ERC2: variants seen among roughly 807,000 people sequenced by gnomAD.
ERC2 encodes the protein ERC protein 2.
In ERC2, 42 loss-of-function variants were observed where a neutral mutation model predicts 114.8. The ratio of observed to expected loss-of-function variants is 0.37; its 90% CI spans 0.29 to 0.47. The LOEUF is 0.47. ERC2 is among the 20% of genes least tolerant of loss of function. The pLI, the probability that ERC2 is intolerant of heterozygous loss-of-function variation, is 0.99. For synonymous variants in ERC2, 454 were observed against 425.5 expected (o/e 1.07, Z -0.82); for missense variants, 939 against 1,150.7 (o/e 0.82, Z 2.66).
intron 12 of ERC2, among the ~76,000 whole-genome samples, chr3:55,952,180 C>CACACTATA (rs1553749407): frequency 3.9e-5 from 1 of 25,572 alleles, no homozygotes; most frequent in Non-Finnish European, 8.4e-5. Flanking sequence ...CACACACACA[C>CACACTATA]TCTCTCTCTC....
chr3:56,239,268 G>A (rs1156557655), intron 3 of ERC2, among the ~76,000 whole-genome samples: 1 of 152,200 alleles, frequency 6.6e-6, no homozygotes, highest in East Asian at 1.9e-4. Context: ...TGTAATCCTA[G>A]CACTTTCGGA....
At chr3:55,854,452 G>GA (rs1269509192) in intron 14 of ERC2, among the ~76,000 whole-genome samples, 1 of 152,192 alleles carries the variant, frequency 6.6e-6, no homozygotes, top group African/African-American at 2.4e-5. Context: ...CAAAAGCTAA[G>GA]AAAATCTTCC....
chr3:56,318,455 A>G (rs987883407), intron 2 of ERC2, among the ~76,000 whole-genome samples: 8 of 152,152 alleles, frequency 5.3e-5, no homozygotes, highest in African/African-American at 1.9e-4. Flanking sequence ...GAGATTGCAG[A>G]CATGAGCCAC....
At chr3:55,720,206 T>C (rs11707340) in intron 15 of ERC2, among the ~76,000 whole-genome samples, 100 of 7,438 alleles carry the variant, frequency 0.013, 45 homozygotes, top group East Asian at 0.028. Flanking sequence ...CTTCTTCTTC[T>C]TCTTCTTCTT....
chr3:56,414,271 T>A (rs1041967299), intron 2 of ERC2, among the ~76,000 whole-genome samples: 4 of 152,214 alleles, frequency 2.6e-5, no homozygotes, highest in African/African-American at 9.6e-5. Flanking sequence ...TTCATCATTA[T>A]CCATAATCAT....
chr3:55,906,276 C>CA (rs1462616247), intron 13 of ERC2, among the ~76,000 whole-genome samples: 6 of 151,522 alleles, frequency 4.0e-5, no homozygotes, highest in African/African-American at 1.5e-4. Context: ...ACTAAAAATA[C>CA]AAAAAATTAG....
intron 14 of ERC2, among the ~76,000 whole-genome samples, chr3:55,782,303 T>G (rs939732674): frequency 6.6e-6 from 1 of 152,152 alleles, no homozygotes; most frequent in African/African-American, 2.4e-5. Flanking sequence ...TCCCATTAGC[T>G]TTTCTGCTTA....
intron 17 of ERC2, among the ~76,000 whole-genome samples, chr3:55,528,524 C>T (rs1262488285): frequency 6.6e-6 from 1 of 151,954 alleles, no homozygotes; most frequent in Non-Finnish European, 1.5e-5. Context: ...TGCATAGATA[C>T]TTTATTTGAC....
intron 3 of ERC2, among the ~76,000 whole-genome samples, chr3:56,214,647 A>C (rs1047437003): frequency 6.6e-6 from 1 of 152,118 alleles, no homozygotes; most frequent in South Asian, 2.1e-4. Context: ...AGAGAACGCC[A>C]CAAAGATACT....
intron 2 of ERC2, among the ~76,000 whole-genome samples, chr3:56,317,492 G>C (rs1304967732): frequency 6.6e-6 from 1 of 152,136 alleles, no homozygotes; most frequent in Non-Finnish European, 1.5e-5. Context: ...GTTGCAAACT[G>C]GGCTTGTGAA....
At chr3:55,864,138 T>TATAC (rs1559782811) in intron 14 of ERC2, among the ~76,000 whole-genome samples, 1 of 124,108 alleles carries the variant, frequency 8.1e-6, no homozygotes, top group African/African-American at 3.2e-5. Context: ...CATATATATA[T>TATAC]ACATATATAT....
At chr3:55,764,255 A>C (rs2067631237) in intron 14 of ERC2, among the ~76,000 whole-genome samples, 2 of 152,250 alleles carry the variant, frequency 1.3e-5, no homozygotes, top group Admixed American at 1.3e-4. Context: ...AACAGATGAA[A>C]AGCACATTTG....
At chr3:55,549,993 A>G (rs1172722097) in intron 17 of ERC2, among the ~76,000 whole-genome samples, 5 of 150,322 alleles carry the variant, frequency 3.3e-5, no homozygotes, top group Non-Finnish European at 5.9e-5. Flanking sequence ...TACTATGTTA[A>G]TAGGACACTT....
chr3:56,423,554 A>G (rs2061461463), intron 2 of ERC2, among the ~76,000 whole-genome samples: 1 of 152,248 alleles, frequency 6.6e-6, no homozygotes, highest in Non-Finnish European at 1.5e-5. Flanking sequence ...GACAAACGAG[A>G]CAGCTCACGC....
chr3:56,019,121 G>T, intron 7 of ERC2, 90 bp from the exon 8 acceptor site: 1 of 990,262 alleles, frequency 1.0e-6, no homozygotes, highest in South Asian at 1.7e-5. Flanking sequence ...AAAAAAGAAA[G>T]AAAAAGACCT....
At chr3:56,312,971 G>C (rs2056664579) in intron 2 of ERC2, among the ~76,000 whole-genome samples, 1 of 112,090 alleles carries the variant, frequency 8.9e-6, no homozygotes, top group Non-Finnish European at 1.7e-5. Flanking sequence ...CAATGCCTAT[G>C]GTCCTTAATA....
intron 6 of ERC2, among the ~76,000 whole-genome samples, chr3:56,111,681 T>C (rs745725706): frequency 3.4e-4 from 52 of 152,162 alleles, no homozygotes; most frequent in Non-Finnish European, 5.9e-4. Context: ...AATTCATTCA[T>C]AGGATTTCAA....
intron 1 of ERC2, among the ~76,000 whole-genome samples, chr3:56,464,057 G>T (rs2063432578): frequency 6.6e-6 from 1 of 152,176 alleles, no homozygotes; most frequent in Admixed American, 6.5e-5. Flanking sequence ...TTAAGGACCA[G>T]GTTTATATGT....
At chr3:56,298,289 A>G (rs1346431730) in intron 2 of ERC2, among the ~76,000 whole-genome samples, 1 of 152,194 alleles carries the variant, frequency 6.6e-6, no homozygotes, top group African/African-American at 2.4e-5. Context: ...TCTTTCACTT[A>G]GCATGTTTCC....
Sources: allele counts gnomAD v4.1 joint callset (sites outside exome capture counted in the v4.1 genomes callset), GRCh38; gene constraint gnomAD v4.1.1; transcripts MANE v1.5; gene names NCBI Gene and HGNC (gene_info 2026-07-23, HGNC 2026-07-21).